The following NRG3 variants were observed in gnomAD, a reference collection of about 807,000 sequenced individuals.
The protein encoded by NRG3 is pro-neuregulin-3, membrane-bound isoform.
NRG3 carries 31 observed loss-of-function variants against 66.9 expected under a neutral mutation model. The ratio of observed to expected loss-of-function variants is 0.46; its 90% CI spans 0.35 to 0.63. NRG3 has a LOEUF of 0.63. Ranked by LOEUF, NRG3 falls within the 20% of genes least tolerant of loss-of-function variation. NRG3 has a pLI of 0.00. For missense variants in NRG3, 910 were observed against 878.9 expected, an observed-to-expected ratio of 1.04 and a Z score of -0.45; for synonymous variants, 393 against 359.4, an observed-to-expected ratio of 1.09 and a Z score of -1.06.
intron 2 of NRG3, among the ~76,000 whole-genome samples, chr10:82,511,997 C>T (rs994839517): frequency 1.3e-5 from 2 of 151,990 alleles, no homozygotes; most frequent in African/African-American, 4.8e-5. Flanking sequence ...TTTTTAAGAC[C>T]AGAAAAAGCA....
intron 1 of NRG3, among the ~76,000 whole-genome samples, chr10:82,162,331 C>G (rs577955428): frequency 1.4e-4 from 22 of 152,196 alleles, no homozygotes; most frequent in African/African-American, 5.1e-4. Context: ...AATCACTGAG[C>G]TTTCCTTTTT....
intron 1 of NRG3, among the ~76,000 whole-genome samples, chr10:81,987,304 C>T (rs1029526484): frequency 9.9e-5 from 15 of 152,118 alleles, no homozygotes; most frequent in Non-Finnish European, 2.1e-4. Context: ...AGGCTGGTCT[C>T]GAACTCCTGA....
intron 1 of NRG3, among the ~76,000 whole-genome samples, chr10:82,206,118 C>A (rs554840222): frequency 1.3e-5 from 2 of 152,152 alleles, no homozygotes; most frequent in Non-Finnish European, 1.5e-5. Context: ...AAATATGTTG[C>A]TATTCACTCT....
At chr10:82,072,047 A>G (rs2064836296) in intron 1 of NRG3, among the ~76,000 whole-genome samples, 1 of 152,114 alleles carries the variant, frequency 6.6e-6, no homozygotes, top group African/African-American at 2.4e-5. Flanking sequence ...CTTTATATGT[A>G]TATGTCTACT....
At chr10:82,178,409 A>G (rs1701841746) in intron 1 of NRG3, among the ~76,000 whole-genome samples, 1 of 152,124 alleles carries the variant, frequency 6.6e-6, no homozygotes, top group South Asian at 2.1e-4. Context: ...CCTGGGAAAA[A>G]TCATTCTACT....
intron 2 of NRG3, among the ~76,000 whole-genome samples, chr10:82,728,291 A>T (rs2057716296): frequency 6.6e-6 from 1 of 152,122 alleles, no homozygotes; most frequent in Non-Finnish European, 1.5e-5. Context: ...TCCCCACCCA[A>T]ATCCCATCTT....
intron 2 of NRG3, among the ~76,000 whole-genome samples, chr10:82,408,279 A>G (rs933287951): frequency 2.6e-5 from 4 of 152,132 alleles, no homozygotes; most frequent in Non-Finnish European, 5.9e-5. Context: ...AAAAGAGTAT[A>G]CATCGTGTAA....
rs573820803 is a variant in NRG3 at position 82,240,160 on chromosome 10, G to GA, written c.824-118573dup. 3.9e-5 allele frequency among the ~76,000 whole-genome samples: 6 copies of GA among 151,932 alleles called. No homozygotes were observed. The South Asian group carries it at 1.0e-3, about 26-fold the overall frequency. The stretch of plus-strand genomic sequence containing the variant: ...TAGGATTTTACATTGAATAGTTAAA[G>GA]AAAAAATAACTCTTTTTCCCCCCAG... On this transcript the variant is annotated intron_variant, in intron 1 of 8. Coordinates refer to ENST00000372141, the MANE Select transcript of NRG3 (RefSeq NM_001010848.4).
chr10:81,954,478 T>G (rs1405009079), intron 1 of NRG3, among the ~76,000 whole-genome samples: 2 of 152,180 alleles, frequency 1.3e-5, no homozygotes, highest in Non-Finnish European at 2.9e-5. Flanking sequence ...GTAAATTCTC[T>G]GAACTCTATC....
intron 1 of NRG3, among the ~76,000 whole-genome samples, chr10:82,064,239 T>C (rs920779860): frequency 2.6e-5 from 4 of 152,136 alleles, no homozygotes; most frequent in African/African-American, 9.7e-5. Flanking sequence ...CACAGGAAAT[T>C]CACCTAAGAC....
At chr10:82,578,960 A>G (rs563571906) in intron 2 of NRG3, among the ~76,000 whole-genome samples, 1 of 152,026 alleles carries the variant, frequency 6.6e-6, no homozygotes, top group Non-Finnish European at 1.5e-5. Flanking sequence ...TCTCAAGAAT[A>G]TAAAAAGGAC....
intron 2 of NRG3, among the ~76,000 whole-genome samples, chr10:82,448,830 G>A (rs1425168809): frequency 6.6e-6 from 1 of 151,726 alleles, no homozygotes; most frequent in Admixed American, 6.6e-5. Flanking sequence ...GCAATTATGT[G>A]TATATATATA....
Position 82,037,820 on chromosome 10 carries a change from C to T in NRG3, c.823+161657C>T, listed in dbSNP as rs141898274. 7.2e-5 allele frequency among the ~76,000 whole-genome samples: 11 copies of T among 152,040 alleles called. No individual in the cohort carries two copies. In the East Asian group the frequency reaches 2.2e-3, roughly 30 times the overall value. ...AGAACTAAGGGGAAAACTGTGTGTT[C>T]AAGAATTTGGCAAACTGGGGACATA... On this transcript the variant is annotated intron_variant, in intron 1 of 8. Transcript: ENST00000372141.
intron 7 of NRG3, among the ~76,000 whole-genome samples, chr10:82,976,455 G>C (rs1275612958): frequency 2.6e-5 from 4 of 152,142 alleles, no homozygotes; most frequent in Non-Finnish European, 5.9e-5. Flanking sequence ...GCTGTGGCAG[G>C]GGAGATAGAG....
intron 1 of NRG3, among the ~76,000 whole-genome samples, chr10:82,068,123 G>T (rs151317162): frequency 1.4e-3 from 211 of 152,162 alleles, no homozygotes; most frequent in African/African-American, 4.8e-3. Flanking sequence ...ATAAATACTG[G>T]GATTTCAGGA....
At chr10:82,108,468 T>C (rs962251507) in intron 1 of NRG3, among the ~76,000 whole-genome samples, 1 of 152,168 alleles carries the variant, frequency 6.6e-6, no homozygotes, top group African/African-American at 2.4e-5. Flanking sequence ...GTCACCAGGA[T>C]GCATGGATGC....
At chr10:82,356,660 T>C (rs2135564925) in intron 1 of NRG3, among the ~76,000 whole-genome samples, 1 of 152,198 alleles carries the variant, frequency 6.6e-6, no homozygotes, top group South Asian at 2.1e-4. Context: ...CCCATTGCAA[T>C]ACCAATAGTG....
intron 3 of NRG3, among the ~76,000 whole-genome samples, chr10:82,841,329 G>A (rs1267787738): frequency 6.6e-6 from 1 of 152,112 alleles, no homozygotes; most frequent in Non-Finnish European, 1.5e-5. Flanking sequence ...CATTACACCT[G>A]CCCTGGGAAA....
chr10:82,867,667 G>T (rs1291530186), intron 4 of NRG3, among the ~76,000 whole-genome samples: 1 of 152,132 alleles, frequency 6.6e-6, no homozygotes, highest in Non-Finnish European at 1.5e-5. Context: ...TAAAATAGGA[G>T]AACAAAAATA....
Sources: allele counts gnomAD v4.1 joint callset (sites outside exome capture counted in the v4.1 genomes callset), GRCh38; gene constraint gnomAD v4.1.1; transcripts MANE v1.5; gene names NCBI Gene and HGNC (gene_info 2026-07-23, HGNC 2026-07-21).